The following GPATCH2L variants were observed in gnomAD, a reference collection of about 807,000 sequenced individuals.
GPATCH2L encodes the protein G patch domain-containing protein 2-like.
A neutral mutation model predicts 57.4 loss-of-function variants in GPATCH2L; 31 were observed. The ratio of observed to expected loss-of-function variants is 0.54; its 90% CI spans 0.41 to 0.73. The LOEUF is 0.73. Ranked by LOEUF, GPATCH2L falls within the 30% of genes least tolerant of loss-of-function variation. GPATCH2L has a pLI of 0.00. For synonymous variants in GPATCH2L, 199 were observed against 210.7 expected, an observed-to-expected ratio of 0.94 and a Z score of 0.48; for missense variants, 481 against 599.9, an observed-to-expected ratio of 0.80 and a Z score of 2.07.
At position 76,166,714 on chromosome 14, in the gene GPATCH2L, T is replaced by C. The variant is rs749820660; in HGVS notation, c.714T>C (p.Asp238=). The part of the protein sequence containing the change: ...SSSDTGLFTN[D]EGRQGDDEQS... ...GTGACACTGGGCTCTTTACCAATGA[T>C]GAAGGGCGACAAGGTAATGTCGATC... is the stretch of plus-strand genomic sequence containing the variant. The change falls in exon 3 of 10, where the codon GAT becomes GAC. Residue 238 remains aspartate, a synonymous_variant. Transcript: ENST00000261530. 5 of 1,606,862 alleles carry C rather than the reference T, an allele frequency of 3.1e-6. No individual in the cohort carries two copies. The highest frequency in any genetic ancestry group is 4.3e-6 in the Non-Finnish European group (5 of 1,173,424).
chr14:76,192,780 A>G (rs768409159), intron 8 of GPATCH2L, among the ~76,000 whole-genome samples: 1 of 152,210 alleles, frequency 6.6e-6, no homozygotes, highest in African/African-American at 2.4e-5. Context: ...ATACTTTTAC[A>G]ATAAAATAAT....
chr14:76,196,170 A>G (rs1198331626), intron 9 of GPATCH2L, 198 bp downstream of exon 9: 2 of 691,794 alleles, frequency 2.9e-6, no homozygotes, highest in Non-Finnish European at 5.3e-6. Context: ...TCACTGTTAC[A>G]TGGCTATCTA....
At chr14:76,221,877 A>T (rs1434523097) in intron 1 of GPATCH2L, among the ~76,000 whole-genome samples, 1 of 152,238 alleles carries the variant, frequency 6.6e-6, no homozygotes, top group Non-Finnish European at 1.5e-5. Flanking sequence ...AATACTCTGT[A>T]TGATACTACA....
chr14:76,185,598 A>G (rs2039736206), intron 8 of GPATCH2L, among the ~76,000 whole-genome samples: 1 of 152,146 alleles, frequency 6.6e-6, no homozygotes, highest in South Asian at 2.1e-4. Context: ...AGGAAAGGTC[A>G]ACTTTTAGTG....
At chr14:76,163,351 A>G (rs921596822) in intron 2 of GPATCH2L, among the ~76,000 whole-genome samples, 1 of 152,204 alleles carries the variant, frequency 6.6e-6, no homozygotes, top group Admixed American at 6.5e-5. Flanking sequence ...ATCATTAATA[A>G]TAGCCTTCTG....
chr14:76,156,635 T>G (rs1440182739), intron 2 of GPATCH2L, among the ~76,000 whole-genome samples: 1 of 152,270 alleles, frequency 6.6e-6, no homozygotes, highest in Non-Finnish European at 1.5e-5. Context: ...CATTCAAGTT[T>G]GTTTTAATAT....
At chr14:76,174,282 T>C (rs2139675918) in intron 5 of GPATCH2L, 1 of 152,322 alleles carries the variant, frequency 6.6e-6, no homozygotes, top group South Asian at 2.1e-4. Flanking sequence ...TGAACCCAGG[T>C]CTACTTTTAT....
chr14:76,153,514 C>A (rs2038151926), intron 1 of GPATCH2L: 1 of 152,236 alleles, frequency 6.6e-6, no homozygotes, highest in South Asian at 2.1e-4. Flanking sequence ...CTATCCCTGT[C>A]ATTTCAGCTG....
intron 3 of GPATCH2L, among the ~76,000 whole-genome samples, chr14:76,168,214 A>G (rs1188364745): frequency 6.6e-6 from 1 of 152,240 alleles, no homozygotes; most frequent in East Asian, 1.9e-4. Flanking sequence ...ATGACTGGTC[A>G]TCTACCAAGA....
chr14:76,152,565 C>T (rs1406474232), intron 1 of GPATCH2L: 1 of 437,412 alleles, frequency 2.3e-6, no homozygotes, highest in African/African-American at 2.0e-5. Context: ...CGTGACTCAG[C>T]CTCATCTCTG....
intron 1 of GPATCH2L, chr14:76,152,485 C>T (rs1460039101): frequency 1.8e-5 from 6 of 334,374 alleles, no homozygotes; most frequent in Non-Finnish European, 1.8e-5. Context: ...TCCTACTCCG[C>T]CCCTCACTTC....
chr14:76,189,990 G>T (rs760223447), intron 8 of GPATCH2L, among the ~76,000 whole-genome samples: 1 of 152,070 alleles, frequency 6.6e-6, no homozygotes, highest in Admixed American at 6.6e-5. Context: ...CTTGCCATTC[G>T]CAGACAGACT....
chr14:76,161,445 G>A (rs763600042), intron 2 of GPATCH2L, among the ~76,000 whole-genome samples: 1 of 152,160 alleles, frequency 6.6e-6, no homozygotes, highest in Non-Finnish European at 1.5e-5. Context: ...TTGATTGTAG[G>A]TGATAAAGTA....
chr14:76,187,269 C>T (rs939588868), intron 8 of GPATCH2L, among the ~76,000 whole-genome samples: 1 of 152,016 alleles, frequency 6.6e-6, no homozygotes, highest in African/African-American at 2.4e-5. Flanking sequence ...AACTCAGTGT[C>T]TCGGAGTATT....
In GPATCH2L at chr14:76,201,761, G is replaced by T. The variant is rs2040315578; in HGVS notation, c.1359G>T (p.Leu453Phe). The change falls in exon 10 of 10, where the codon TTG (leucine) becomes TTT (phenylalanine). Residue 453 changes from leucine (L) to phenylalanine (F), a missense_variant. Coordinates refer to ENST00000261530, the MANE Select transcript of GPATCH2L (RefSeq NM_017926.4). ...QAPKSPSSEW[L>F]VRTSAAEKAT... is the part of the protein sequence containing the mutation. ...CCAAATCACCCAGCTCTGAGTGGTTGGTGAGGACCTCTGCAGCAGAGAAAG... is the reference window on the plus strand; with the variant it reads ...CCAAATCACCCAGCTCTGAGTGGTTTGTGAGGACCTCTGCAGCAGAGAAAG... 6.2e-7 allele frequency: 1 copy of T among 1,613,800 alleles called. No individual in the cohort carries two copies. The highest frequency in any genetic ancestry group is 1.3e-5 in the African/African-American group (1 of 74,874).
intron 5 of GPATCH2L, chr14:76,174,827 G>C (rs1040647508): frequency 6.6e-6 from 1 of 152,042 alleles, no homozygotes; most frequent in Non-Finnish European, 1.5e-5. Flanking sequence ...TACAGATGGG[G>C]TTTTACCATG....
intron 8 of GPATCH2L, among the ~76,000 whole-genome samples, chr14:76,188,882 A>G (rs191233563): frequency 2.7e-4 from 41 of 152,214 alleles, no homozygotes; most frequent in South Asian, 4.1e-4. Flanking sequence ...ATTTTTGTAT[A>G]TGGTGAGAGA....
chr14:76,160,057 C>T (rs1413079024), intron 2 of GPATCH2L, among the ~76,000 whole-genome samples: 2 of 152,154 alleles, frequency 1.3e-5, no homozygotes, highest in East Asian at 3.9e-4. Flanking sequence ...TGGTGTGAAC[C>T]CGGGAGGCGG....
chr14:76,182,363 G>GAAAAAAAAA (rs3059799), intron 8 of GPATCH2L, among the ~76,000 whole-genome samples: 63 of 85,560 alleles, frequency 7.4e-4, no homozygotes, highest in South Asian at 1.6e-3. Context: ...TCTCAGAAAA[G>GAAAAAAAAA]AAAAAAAAAA....
Sources: allele counts gnomAD v4.1 joint callset (sites outside exome capture counted in the v4.1 genomes callset), GRCh38; gene constraint gnomAD v4.1.1; transcripts MANE v1.5; gene names NCBI Gene and HGNC (gene_info 2026-07-23, HGNC 2026-07-21).